CNTN1: variants seen among roughly 807,000 people sequenced by gnomAD.
CNTN1 encodes the protein contactin 1.
In CNTN1, 38 loss-of-function variants were observed where a neutral mutation model predicts 126.4. The ratio of observed to expected loss-of-function variants is 0.30; its 90% CI spans 0.23 to 0.39. The LOEUF (loss-of-function observed/expected upper bound fraction) is 0.39. Among genes scored for constraint, CNTN1 ranks in the 10% least tolerant of loss-of-function variants. The probability of loss-of-function intolerance (pLI) is 1.00; values close to 1 mark genes in which losing one functional copy is unlikely to be tolerated. For missense variants in CNTN1, 1,009 were observed against 1,248.4 expected (o/e 0.81, Z 2.89); for synonymous variants, 413 against 422.6 (o/e 0.98, Z 0.28).
chr12:40,951,714 TTAAA>T (rs1946690409), intron 14 of CNTN1, among the ~76,000 whole-genome samples: 1 of 79,644 alleles, frequency 1.3e-5, no homozygotes, highest in Non-Finnish European at 2.2e-5. Context: ...GTCTCAAAAT[TTAAA>T]AAAAAAAAAA....
In CNTN1 at chr12:40,707,038, GCGCT is replaced by G. The variant is rs1197975806; in HGVS notation, c.-77+14447_-77+14450del. 1.1e-4 allele frequency among the ~76,000 whole-genome samples: 11 copies of G among 103,936 alleles called. No homozygotes were observed. The East Asian group carries it at 1.6e-3, about 15-fold the overall frequency. The allele number at this position is 103,936 out of a possible 152,430, so 68.2% of individuals were successfully genotyped here. Reference sequence around the variant, plus strand: ...CATACATATAAAGACGTGCGCGCGCGCGCTTGCGCACACACACACACACACACAC... The same window carrying G: ...CATACATATAAAGACGTGCGCGCGCGTGCGCACACACACACACACACACAC... On this transcript the variant is annotated intron_variant, in intron 1 of 23. Transcript: ENST00000551295.
chr12:40,987,335 T>C (rs185444834), intron 16 of CNTN1, among the ~76,000 whole-genome samples: 1 of 152,336 alleles, frequency 6.6e-6, no homozygotes, highest in African/African-American at 2.4e-5. Context: ...GACTATGTAC[T>C]TTTAAGGCAA....
At chr12:40,893,041 C>G (rs141944917) in intron 1 of CNTN1, among the ~76,000 whole-genome samples, 78 of 151,192 alleles carry the variant, frequency 5.2e-4, no homozygotes, top group African/African-American at 1.9e-3. Flanking sequence ...TAGAAACATT[C>G]TGATGTAATG....
intron 1 of CNTN1, among the ~76,000 whole-genome samples, chr12:40,787,171 T>C (rs1940055466): frequency 6.6e-6 from 1 of 152,164 alleles, no homozygotes; most frequent in Admixed American, 6.6e-5. Flanking sequence ...ATTTATAATA[T>C]AACCTCTCAA....
At chr12:40,797,964 C>G (rs146198992) in intron 1 of CNTN1, among the ~76,000 whole-genome samples, 2 of 151,828 alleles carry the variant, frequency 1.3e-5, no homozygotes, top group African/African-American at 4.8e-5. Flanking sequence ...GTTTGAGATG[C>G]CTGTATATAT....
intron 1 of CNTN1, among the ~76,000 whole-genome samples, chr12:40,908,012 G>A (rs1944893474): frequency 6.6e-6 from 1 of 152,126 alleles, no homozygotes; most frequent in Non-Finnish European, 1.5e-5. Context: ...TGTGCTATTT[G>A]TAGAAAAGAC....
chr12:40,735,752 T>C (rs1404227773), intron 1 of CNTN1, among the ~76,000 whole-genome samples: 1 of 152,090 alleles, frequency 6.6e-6, no homozygotes, highest in Non-Finnish European at 1.5e-5. Flanking sequence ...AGAGGGCATA[T>C]GCAGTTACAT....
chr12:40,779,178 C>A (rs1939700566), intron 1 of CNTN1, among the ~76,000 whole-genome samples: 1 of 151,508 alleles, frequency 6.6e-6, no homozygotes, highest in South Asian at 2.1e-4. Flanking sequence ...ATAACAGTTT[C>A]TTAATTAATA....
chr12:40,804,146 C>G (rs530989978), intron 1 of CNTN1, among the ~76,000 whole-genome samples: 29 of 151,932 alleles, frequency 1.9e-4, no homozygotes, highest in Admixed American at 5.3e-4. Context: ...AGACTTTTTT[C>G]TGGAAGTTAC....
At chr12:40,976,371 T>A (rs1166892089) in intron 15 of CNTN1, among the ~76,000 whole-genome samples, 1 of 152,040 alleles carries the variant, frequency 6.6e-6, no homozygotes, top group Non-Finnish European at 1.5e-5. Flanking sequence ...AACTTTGGGG[T>A]AAACAGTTCT....
intron 17 of CNTN1, among the ~76,000 whole-genome samples, chr12:40,994,616 A>G (rs543363143): frequency 6.6e-6 from 1 of 152,074 alleles, no homozygotes; most frequent in Non-Finnish European, 1.5e-5. Flanking sequence ...TCTAGGGAAT[A>G]ATAATAAAAA....
At chr12:40,789,830 T>C (rs550106748) in intron 1 of CNTN1, among the ~76,000 whole-genome samples, 1 of 152,190 alleles carries the variant, frequency 6.6e-6, no homozygotes, top group African/African-American at 2.4e-5. Flanking sequence ...ATTTTTTCTA[T>C]TGTTTAACTT....
rs1950137164 is a variant in CNTN1 at position 41,070,409 on chromosome 12, AGTT to A, written c.*377_*379del. 3.2e-6 allele frequency: 1 copy of A among 310,856 alleles called. No individual in the cohort carries two copies. Among genetic ancestry groups the A allele is most frequent in the Non-Finnish European group, 6.2e-6 (1 of 160,812 alleles). The allele number at this position is 310,856 out of a possible 1,614,324, so 19.3% of individuals were successfully genotyped here. On this transcript the variant is annotated 3_prime_UTR_variant, in exon 24 of 24. Coordinates refer to ENST00000551295, the MANE Select transcript of CNTN1 (RefSeq NM_001843.4). ...TACAGGTGCTTTAAATTTAATAACA[AGTT>A]GTGAAATATAATAGAGATTGAAATG... is the stretch of plus-strand genomic sequence containing the variant.
At chr12:40,968,049 C>T (rs4767995) in intron 15 of CNTN1, among the ~76,000 whole-genome samples, 73,057 of 151,280 alleles carry the variant, frequency 0.48, 17,640 homozygotes, top group Admixed American at 0.51. Flanking sequence ...GGACAGGTAT[C>T]GTTACTGTAT....
chr12:40,715,512 T>C (rs1942027392), intron 1 of CNTN1, among the ~76,000 whole-genome samples: 1 of 152,176 alleles, frequency 6.6e-6, no homozygotes, highest in Non-Finnish European at 1.5e-5. Flanking sequence ...ATGAACTTGA[T>C]ATTAAAAAAC....
rs764895806 is a variant in CNTN1, at chr12:40,924,681, C to T, written c.496+29C>T. 7.4e-6 allele frequency: 9 copies of T among 1,210,940 alleles called. 1 individual carries two copies. Among genetic ancestry groups the T allele is most frequent in the South Asian group, 2.4e-5 (2 of 82,862 alleles). 75.0% of individuals were successfully genotyped at this position (1,210,940 alleles called of 1,614,324 possible). ...AACTTAATTCCTCTCTGACTATTAG[C>T]ATCTATGAAACAAAATGGACAAGTT... On this transcript the variant is annotated intron_variant, in intron 6 of 23. Coordinates refer to ENST00000551295, the MANE Select transcript of CNTN1 (RefSeq NM_001843.4).
chr12:40,902,009 A>C (rs773084432), intron 1 of CNTN1, among the ~76,000 whole-genome samples: 1 of 152,208 alleles, frequency 6.6e-6, no homozygotes, highest in Non-Finnish European at 1.5e-5. Flanking sequence ...TAATCCAAAA[A>C]TTAACTGGAG....
At chr12:40,779,691 G>A (rs1939718332) in intron 1 of CNTN1, among the ~76,000 whole-genome samples, 1 of 151,666 alleles carries the variant, frequency 6.6e-6, no homozygotes, top group Non-Finnish European at 1.5e-5. Flanking sequence ...GAGATGCTTT[G>A]GAATCCAACA....
chr12:40,830,214 A>G (rs186353468), intron 1 of CNTN1, among the ~76,000 whole-genome samples: 1 of 152,180 alleles, frequency 6.6e-6, no homozygotes, highest in African/African-American at 2.4e-5. Context: ...AAAATCTAGA[A>G]TAAGATGTGC....
Sources: allele counts gnomAD v4.1 joint callset (sites outside exome capture counted in the v4.1 genomes callset), GRCh38; gene constraint gnomAD v4.1.1; transcripts MANE v1.5; gene names NCBI Gene and HGNC (gene_info 2026-07-23, HGNC 2026-07-21).